The following MAML3 variants were observed in gnomAD, a reference collection of about 807,000 sequenced individuals.
The protein encoded by MAML3 is mastermind like transcriptional coactivator 3, also known as mastermind-like protein 3.
MAML3 carries 27 observed loss-of-function variants against 101.9 expected under a neutral mutation model. The ratio of observed to expected loss-of-function variants is 0.27; its 90% CI spans 0.20 to 0.37. The LOEUF is 0.37. Ranked by LOEUF, MAML3 falls within the 10% of genes least tolerant of loss-of-function variation. The pLI, the probability that MAML3 is intolerant of heterozygous loss-of-function variation, is 1.00. For synonymous variants in MAML3, 501 were observed against 555.9 expected (o/e 0.90, Z 1.39); for missense variants, 1,316 against 1,444.9 (o/e 0.91, Z 1.45).
At chr4:139,904,316 G>A (rs1341691584) in intron 1 of MAML3, among the ~76,000 whole-genome samples, 1 of 152,194 alleles carries the variant, frequency 6.6e-6, no homozygotes, top group Non-Finnish European at 1.5e-5. Context: ...GATGGGTTTG[G>A]CTCTCAATTG....
chr4:140,069,399 GAGGAGGA>G (rs1727596084), intron 1 of MAML3, among the ~76,000 whole-genome samples: 1 of 107,484 alleles, frequency 9.3e-6, no homozygotes, highest in Admixed American at 9.8e-5. Context: ...GGAGGAGGAG[GAGGAGGA>G]GGAGGAGGAG....
intron 1 of MAML3, among the ~76,000 whole-genome samples, chr4:139,970,113 A>G (rs1734208676): frequency 6.6e-6 from 1 of 152,200 alleles, no homozygotes; most frequent in Non-Finnish European, 1.5e-5. Flanking sequence ...TAGACATAGA[A>G]ACACGAGCTG....
At chr4:140,119,605 C>CCCTCCCTTCCTTCCTCCCTTCCTT (rs58340523) in intron 1 of MAML3, among the ~76,000 whole-genome samples, 6 of 108,546 alleles carry the variant, frequency 5.5e-5, no homozygotes, top group South Asian at 3.2e-4. Context: ...CTCCCTCCCT[C>CCCTCCCTTCCTTCCTCCCTTCCTT]CCTCCCTTCC....
At chr4:140,084,630 C>G (rs1339608041) in intron 1 of MAML3, among the ~76,000 whole-genome samples, 1 of 152,140 alleles carries the variant, frequency 6.6e-6, no homozygotes, top group Admixed American at 6.5e-5. Flanking sequence ...CTTTTCACCT[C>G]GTTACTATGA....
intron 3 of MAML3, among the ~76,000 whole-genome samples, chr4:139,726,992 C>T (rs1728500114): frequency 6.6e-6 from 1 of 152,212 alleles, no homozygotes; most frequent in South Asian, 2.1e-4. Context: ...TCATTAAGCA[C>T]CTTTCATCTG....
intron 1 of MAML3, among the ~76,000 whole-genome samples, chr4:140,088,087 G>A (rs1348916301): frequency 2.6e-5 from 4 of 152,042 alleles, no homozygotes; most frequent in Admixed American, 1.3e-4. Context: ...AAAATTAGCC[G>A]GGCATAGCGG....
chr4:139,885,107 A>C (rs142927734), intron 2 of MAML3, among the ~76,000 whole-genome samples: 3 of 152,360 alleles, frequency 2.0e-5, no homozygotes, highest in Non-Finnish European at 4.4e-5. Context: ...ACATAGAAAT[A>C]ATAAATACTC....
chr4:140,008,145 G>A (rs939147446), intron 1 of MAML3, among the ~76,000 whole-genome samples: 1 of 152,172 alleles, frequency 6.6e-6, no homozygotes, highest in Non-Finnish European at 1.5e-5. Context: ...AGGAATTTGA[G>A]ACCAGCCTGG....
In MAML3 at chr4:139,890,191, G is replaced by A. The variant is rs1405803684; in HGVS notation, c.1245C>T (p.Val415=). The change falls in exon 2 of 5, where the codon GTC becomes GTT. Residue 415 remains valine, a synonymous_variant. Coordinates refer to ENST00000509479, the MANE Select transcript of MAML3 (RefSeq NM_018717.5). This position sits in a 1 kb window ranked among gnomAD's most constrained non-coding sequence, Gnocchi z 4.1. ...NPASSPANCA[V]QSPQTPNQAH... ...CTTGGTTTGGAGTTTGAGGGGACTGGACAGCACAGTTTGCTGGTGAGCTTG... is the reference window on the plus strand; with the variant it reads ...CTTGGTTTGGAGTTTGAGGGGACTGAACAGCACAGTTTGCTGGTGAGCTTG... 9 of 1,613,328 alleles carry A rather than the reference G, an allele frequency of 5.6e-6. No individual in the cohort carries two copies. Among genetic ancestry groups the A allele is most frequent in the Non-Finnish European group, 7.6e-6 (9 of 1,179,906 alleles).
At chr4:140,015,943 A>G (rs997282546) in intron 1 of MAML3, among the ~76,000 whole-genome samples, 14 of 152,132 alleles carry the variant, frequency 9.2e-5, no homozygotes, top group Non-Finnish European at 1.5e-4. Flanking sequence ...ACAGAGCAAG[A>G]CGCCATCTCA....
At chr4:140,101,543 C>T (rs1728252100) in intron 1 of MAML3, among the ~76,000 whole-genome samples, 1 of 152,174 alleles carries the variant, frequency 6.6e-6, no homozygotes, top group Non-Finnish European at 1.5e-5. Flanking sequence ...TGGTAGAATT[C>T]TACTCAGGAA....
intron 1 of MAML3, among the ~76,000 whole-genome samples, chr4:140,010,413 G>T (rs1193892690): frequency 2.0e-5 from 3 of 152,180 alleles, no homozygotes; most frequent in Admixed American, 2.0e-4. Context: ...TTCATTGAAA[G>T]TGAATATGTA....
At chr4:139,913,205 A>C (rs1732963077) in intron 1 of MAML3, among the ~76,000 whole-genome samples, 1 of 152,092 alleles carries the variant, frequency 6.6e-6, no homozygotes, top group Admixed American at 6.6e-5. Flanking sequence ...AAGAGGGGAG[A>C]AAAAAAATCT....
intron 4 of MAML3, among the ~76,000 whole-genome samples, chr4:139,723,822 G>A (rs1039111132): frequency 2.6e-5 from 4 of 152,158 alleles, no homozygotes; most frequent in Non-Finnish European, 4.4e-5. Context: ...GCTCTCAAGC[G>A]TGGTTCCCTA....
chr4:140,083,233 G>T (rs1016547837), intron 1 of MAML3, among the ~76,000 whole-genome samples: 4 of 152,168 alleles, frequency 2.6e-5, no homozygotes, highest in Non-Finnish European at 2.9e-5. Context: ...TCTGAAAGAA[G>T]CTTCATCTTT....
chr4:140,122,791 CAAAAAA>C (rs35276329), intron 1 of MAML3, among the ~76,000 whole-genome samples: 1 of 82,948 alleles, frequency 1.2e-5, no homozygotes, highest in African/African-American at 4.2e-5. Flanking sequence ...GACTCCGTCT[CAAAAAA>C]AAAAAAAAAA....
At chr4:139,916,533 G>C (rs1733032131) in intron 1 of MAML3, among the ~76,000 whole-genome samples, 2 of 152,166 alleles carry the variant, frequency 1.3e-5, no homozygotes, top group South Asian at 4.1e-4. Flanking sequence ...CCGATATAAG[G>C]ACACATTTCC....
chr4:140,093,104 T>A (rs1365583038), intron 1 of MAML3, among the ~76,000 whole-genome samples: 2 of 152,212 alleles, frequency 1.3e-5, no homozygotes, highest in Non-Finnish European at 2.9e-5. Context: ...CACGATGTTG[T>A]TCACCCATCT....
intron 1 of MAML3, among the ~76,000 whole-genome samples, chr4:140,092,088 G>GTATATATA (rs371237469): frequency 2.4e-4 from 18 of 76,102 alleles, no homozygotes; most frequent in African/African-American, 6.7e-4. Flanking sequence ...ATATATATAC[G>GTATATATA]TATATATATA....
Sources: allele counts gnomAD v4.1 joint callset (sites outside exome capture counted in the v4.1 genomes callset), GRCh38; gene constraint gnomAD v4.1.1; non-coding constraint Gnocchi (gnomAD v3.1); transcripts MANE v1.5; gene names NCBI Gene and HGNC (gene_info 2026-07-23, HGNC 2026-07-21).